DENND4A: variants seen among roughly 807,000 people sequenced by gnomAD.
DENND4A encodes C-myc promoter-binding protein.
Under a neutral mutation model 199.3 loss-of-function variants are expected in DENND4A, and 70 were observed. That is an observed-to-expected ratio of 0.35 (90% CI 0.29 to 0.43). The LOEUF (loss-of-function observed/expected upper bound fraction) is 0.43, where lower values mean the gene tolerates loss of function less well. DENND4A is among the 20% of genes least tolerant of loss of function. The pLI is 1.00. For missense variants in DENND4A, 1,723 were observed against 2,255.8 expected, an observed-to-expected ratio of 0.76 and a Z score of 4.78; for synonymous variants, 686 against 766.9, an observed-to-expected ratio of 0.89 and a Z score of 1.74.
At chr15:65,678,100 G>C (rs538434435) in intron 23 of DENND4A, among the ~76,000 whole-genome samples, 1 of 151,918 alleles carries the variant, frequency 6.6e-6, no homozygotes, top group African/African-American at 2.4e-5. Flanking sequence ...GCTAATTTTT[G>C]TATTTGTAGT....
At chr15:65,700,811 A>T in intron 19 of DENND4A, 136 bp from the exon 20 acceptor site, 1 of 1,006,544 alleles carries the variant, frequency 9.9e-7, no homozygotes, top group South Asian at 2.0e-5. Flanking sequence ...CAACTATAAC[A>T]AAGAAACCTA....
At chr15:65,707,900 G>A (rs573901495) in intron 14 of DENND4A, among the ~76,000 whole-genome samples, 21 of 151,726 alleles carry the variant, frequency 1.4e-4, no homozygotes, top group African/African-American at 4.8e-4. Flanking sequence ...TGGCCAGGCT[G>A]GTCAGGAGCT....
chr15:65,716,874 T>C (rs1175831829), intron 13 of DENND4A, among the ~76,000 whole-genome samples: 1 of 151,920 alleles, frequency 6.6e-6, no homozygotes, highest in East Asian at 1.9e-4. Context: ...AGTGTAAAAG[T>C]GTTCCTATTT....
intron 1 of DENND4A, among the ~76,000 whole-genome samples, chr15:65,763,450 G>T (rs2076903006): frequency 6.6e-6 from 1 of 152,124 alleles, no homozygotes; most frequent in Non-Finnish European, 1.5e-5. Flanking sequence ...CACTTTGGGA[G>T]GTTGAGGCGT....
chr15:65,669,917 A>C lies in DENND4A; in HGVS notation c.4649T>G (p.Leu1550Arg). 1 of 1,613,910 alleles carries C rather than the reference A, an allele frequency of 6.2e-7. No individual in the cohort carries two copies. Among genetic ancestry groups the C allele is most frequent in the Non-Finnish European group, 8.5e-7 (1 of 1,179,814 alleles). The change falls in exon 27 of 33, where the codon CTA becomes CGA. Residue 1550 changes from leucine (L) to arginine (R), a missense_variant. Leu to Arg is a moderately radical substitution (Grantham distance 102). Around this residue, in one of 6 missense-constraint regions of DENND4A, gnomAD observed 141 missense variants for 170.7 expected, o/e 0.83. Coordinates refer to ENST00000443035, the MANE Select transcript of DENND4A (RefSeq NM_001320835.1). ...RDLRRPGRYF[L>R]KSSPSTENMH... ...ATTTTCTGTTGATGGGCTTGACTTT[A>C]GAAAGTATCTGTAATGTGAATCGAA... is the stretch of plus-strand genomic sequence containing the variant.
rs148478404 is a variant in DENND4A, at chr15:65,712,077, G to A, written c.1953+3401C>T. ...AAAATGAATTGAGAATTTTAAGCAG[G>A]TAATGGCATGTATCCATCTTTTCCC... On this transcript the variant is annotated intron_variant, in intron 14 of 32. Coordinates refer to ENST00000443035, the MANE Select transcript of DENND4A (RefSeq NM_001320835.1). 1.9e-3 allele frequency among the ~76,000 whole-genome samples: 296 copies of A among 152,290 alleles called. 2 individuals are homozygous for A. Among genetic ancestry groups the A allele is most frequent in the African/African-American group, 5.2e-3 (216 of 41,558 alleles).
Position 65,720,947 on chromosome 15 carries a change from T to TTCTATATATATATATATATATATA in DENND4A, c.1588+1900_1588+1901insTATATATATATATATATATATAGA, listed in dbSNP as rs1435137020. 8.9e-4 allele frequency among the ~76,000 whole-genome samples: 68 copies of TTCTATATATATATATATATATATA among 76,262 alleles called. 4 individuals carry two copies. Among genetic ancestry groups the TTCTATATATATATATATATATATA allele is most frequent in the Non-Finnish European group, 1.4e-3 (51 of 36,382 alleles). 50.0% of individuals were successfully genotyped at this position (76,262 alleles called of 152,430 possible). On this transcript the variant is annotated intron_variant, in intron 12 of 32. Coordinates refer to ENST00000443035, the MANE Select transcript of DENND4A (RefSeq NM_001320835.1). ...AAAGTTGAATGGGCTGTTTCATTGA[T>TTCTATATATATATATATATATATA]TATATATATATATATATATATATAT...
At chr15:65,786,383 C>A (rs1423151033) in intron 1 of DENND4A, among the ~76,000 whole-genome samples, 1 of 152,096 alleles carries the variant, frequency 6.6e-6, no homozygotes, top group African/African-American at 2.4e-5. Flanking sequence ...CTAGAACATA[C>A]ATGTTTTGTT....
intron 1 of DENND4A, chr15:65,772,150 C>T (rs2077150409): frequency 6.8e-6 from 5 of 734,160 alleles, no homozygotes; most frequent in Non-Finnish European, 1.2e-5. Context: ...ATAGCTTGCT[C>T]CTTCGATTTT....
At chr15:65,698,551 AATTAT>A (rs2077234303) in intron 20 of DENND4A, among the ~76,000 whole-genome samples, 1 of 152,032 alleles carries the variant, frequency 6.6e-6, no homozygotes, top group Non-Finnish European at 1.5e-5. Context: ...TCTCTAAAGA[AATTAT>A]ATTATGTATC....
intron 1 of DENND4A, among the ~76,000 whole-genome samples, chr15:65,779,395 G>A (rs1386734161): frequency 6.7e-6 from 1 of 150,312 alleles, no homozygotes; most frequent in African/African-American, 2.5e-5. Context: ...GGCAGAGGTT[G>A]CAGTGAGCCG....
In DENND4A at chr15:65,702,477, T is replaced by G; in HGVS notation, c.2258A>C (p.Tyr753Ser). The G allele has an allele frequency of 6.3e-7, 1 of 1,595,312 alleles. No homozygotes were observed. Among genetic ancestry groups the G allele is most frequent in the Non-Finnish European group, 8.5e-7 (1 of 1,170,660 alleles). ...AGACCACATCTGAGGGATGGAAGAG[T>G]ACCTCTTTGCAATTTTATGGGCTGA... ...IKSAHKIAKR[Y>S]SSIPQMWSRC... The change falls in exon 17 of 33, where the codon TAC (tyrosine) becomes TCC (serine). Residue 753 changes from tyrosine to serine, a missense_variant. Around this residue, in one of 6 missense-constraint regions of DENND4A, gnomAD observed 725 missense variants for 952.9 expected, o/e 0.76. Transcript: ENST00000443035.
chr15:65,718,966 G>C (rs2075513842), intron 12 of DENND4A, among the ~76,000 whole-genome samples: 1 of 150,752 alleles, frequency 6.6e-6, no homozygotes. Flanking sequence ...TTTTAGTAGA[G>C]ACGGGGTTTC....
At chr15:65,731,243 A>G (rs1454898334) in intron 9 of DENND4A, among the ~76,000 whole-genome samples, 2 of 152,050 alleles carry the variant, frequency 1.3e-5, no homozygotes, top group African/African-American at 4.8e-5. Flanking sequence ...CTATTCTACA[A>G]TTTAATAATT....
At chr15:65,710,530 T>C (rs2075214650) in intron 14 of DENND4A, among the ~76,000 whole-genome samples, 1 of 152,106 alleles carries the variant, frequency 6.6e-6, no homozygotes, top group African/African-American at 2.4e-5. Flanking sequence ...CCAGCACCTG[T>C]GAGAAAATCA....
Position 65,690,533 on chromosome 15 carries a change from G to A in DENND4A, c.4061C>T (p.Thr1354Ile), listed in dbSNP as rs1036531795. 2 of 1,613,438 alleles carry A rather than the reference G, an allele frequency of 1.2e-6. No individual in the cohort carries two copies. Among genetic ancestry groups the A allele is most frequent in the Admixed American group, 3.3e-5 (2 of 59,914 alleles). The change falls in exon 23 of 33, where the codon ACA (threonine) becomes ATA (isoleucine). Residue 1354 changes from threonine (T) to isoleucine (I), a missense_variant. Thr to Ile is a moderately conservative substitution (Grantham distance 89, BLOSUM62 -1). Coordinates refer to ENST00000443035, the MANE Select transcript of DENND4A (RefSeq NM_001320835.1). ...THSSPSFNLD[T>I]LLVPKLDVLR... is the part of the protein sequence containing the mutation. ...AACATCTAGTTTAGGTACTAGTAGT[G>A]TATCTAAGTTAAATGAAGGTGATGA... is the stretch of plus-strand genomic sequence containing the variant.
chr15:65,736,160 T>TGGCA (rs1180796206), intron 7 of DENND4A, among the ~76,000 whole-genome samples: 7 of 152,240 alleles, frequency 4.6e-5, no homozygotes, highest in Non-Finnish European at 4.4e-5. Context: ...GGGATTAACT[T>TGGCA]GGCAAATCAG....
chr15:65,697,678 A>G (rs527517730), intron 20 of DENND4A, among the ~76,000 whole-genome samples: 1 of 152,326 alleles, frequency 6.6e-6, no homozygotes, highest in Admixed American at 6.5e-5. Flanking sequence ...CAAGACACAG[A>G]CAAACCAGAC....
At chr15:65,727,618 T>C (rs1015823903) in intron 11 of DENND4A, among the ~76,000 whole-genome samples, 3 of 152,166 alleles carry the variant, frequency 2.0e-5, no homozygotes, top group African/African-American at 7.2e-5. Context: ...TAAGACCCTG[T>C]CTCTTTTTAA....
Sources: gnomAD v4.1 joint callset for allele counts (sites outside exome capture counted in the v4.1 genomes callset) on GRCh38, gnomAD v4.1.1 for gene constraint, gnomAD v4.1.1 regional missense constraint, MANE v1.5 for transcripts, NCBI Gene and HGNC (gene_info 2026-07-23, HGNC 2026-07-21) for gene names.